Variants in DOCK1 observed in about 807,000 individuals in gnomAD.
DOCK1 encodes dedicator of cytokinesis 1, also known as dedicator of cytokinesis protein 1.
A neutral mutation model predicts 262.7 loss-of-function variants in DOCK1; 138 were observed. That is an observed-to-expected ratio of 0.53 (90% CI 0.46 to 0.61). The LOEUF (loss-of-function observed/expected upper bound fraction) is 0.61. Among genes scored for constraint, DOCK1 ranks in the 20% least tolerant of loss-of-function variants. The probability of loss-of-function intolerance (pLI) is 0.00; values close to 1 mark genes in which losing one functional copy is unlikely to be tolerated. For missense variants in DOCK1, 1,908 were observed against 2,370.7 expected (o/e 0.80, Z 4.05); for synonymous variants, 866 against 867.4 (o/e 1.00, Z 0.03).
In DOCK1 at chr10:126,929,407, G is replaced by A. The variant is rs1234587373; in HGVS notation, c.46+23844G>A. 4.6e-5 allele frequency among the ~76,000 whole-genome samples: 7 copies of A among 152,280 alleles called. No individual in the cohort carries two copies. In the East Asian group the frequency reaches 9.7e-4, roughly 21 times the overall value. ...CTTTGCTCCCTAATCTAGTAGAGAA[G>A]TGGACCACAGGGTGACAGTTAGGAG... is the stretch of plus-strand genomic sequence containing the variant. On this transcript the variant is annotated intron_variant, in intron 1 of 51. Coordinates refer to ENST00000623213, the MANE Select transcript of DOCK1 (RefSeq NM_001290223.2).
At chr10:127,278,281 C>T (rs1171816482) in intron 29 of DOCK1, among the ~76,000 whole-genome samples, 2 of 85,350 alleles carry the variant, frequency 2.3e-5, no homozygotes, top group African/African-American at 9.2e-5. Context: ...TAGATCTTTC[C>T]CCAGCCAAGA....
intron 27 of DOCK1, among the ~76,000 whole-genome samples, chr10:127,159,105 G>A (rs1466794787): frequency 1.3e-5 from 2 of 152,206 alleles, no homozygotes; most frequent in Non-Finnish European, 2.9e-5. Context: ...CTGCGACAGT[G>A]CATGAAAGAG....
At chr10:127,361,445 TC>T (rs1443656642) in intron 32 of DOCK1, among the ~76,000 whole-genome samples, 1 of 152,156 alleles carries the variant, frequency 6.6e-6, no homozygotes, top group East Asian at 1.9e-4. Context: ...CATTTTCCTA[TC>T]AAACAATAGC....
At chr10:126,939,472 T>C (rs2034828502) in intron 1 of DOCK1, among the ~76,000 whole-genome samples, 1 of 152,136 alleles carries the variant, frequency 6.6e-6, no homozygotes, top group African/African-American at 2.4e-5. Flanking sequence ...CATGTACCTG[T>C]TTACTTTTGC....
chr10:127,385,879 TAGG>T (rs894655983), intron 38 of DOCK1, among the ~76,000 whole-genome samples: 2 of 152,174 alleles, frequency 1.3e-5, no homozygotes, highest in Admixed American at 1.3e-4. Flanking sequence ...TCCTTCTCCT[TAGG>T]AGGTACCAGC....
chr10:127,282,908 G>T (rs546481204), intron 29 of DOCK1, among the ~76,000 whole-genome samples: 4 of 152,350 alleles, frequency 2.6e-5, no homozygotes, highest in South Asian at 2.1e-4. Flanking sequence ...GCAGGGTCCT[G>T]CGTGTATCCT....
intron 40 of DOCK1, among the ~76,000 whole-genome samples, chr10:127,404,714 A>G (rs1165413323): frequency 6.6e-6 from 1 of 152,210 alleles, no homozygotes; most frequent in Non-Finnish European, 1.5e-5. Flanking sequence ...ACTATTTGCC[A>G]TCTTAGCCAT....
At chr10:127,046,367 C>A (rs979040334) in intron 21 of DOCK1, among the ~76,000 whole-genome samples, 15 of 152,154 alleles carry the variant, frequency 9.9e-5, no homozygotes, top group Non-Finnish European at 2.1e-4. Flanking sequence ...GAACAGCGAG[C>A]AGGAGTGTGA....
intron 27 of DOCK1, among the ~76,000 whole-genome samples, chr10:127,189,798 CTG>C (rs1589854040): frequency 6.6e-6 from 1 of 152,162 alleles, no homozygotes; most frequent in East Asian, 1.9e-4. Context: ...TAAGTGGACA[CTG>C]TGCAGTGTGA....
At chr10:126,992,789 GACACAC>G (rs142022750) in intron 6 of DOCK1, among the ~76,000 whole-genome samples, 8,331 of 147,438 alleles carry the variant, frequency 0.057, 331 homozygotes, top group Non-Finnish European at 0.081. Flanking sequence ...CACACACACA[GACACAC>G]ACACACACAC....
chr10:127,020,866 GTCT>G, intron 13 of DOCK1, among the ~76,000 whole-genome samples: 1 of 152,268 alleles, frequency 6.6e-6, no homozygotes, highest in South Asian at 2.1e-4. Context: ...AGGGATGCGC[GTCT>G]TCTTTGGACA....
chr10:127,317,072 A>G (rs2062315676), intron 29 of DOCK1, among the ~76,000 whole-genome samples: 1 of 142,738 alleles, frequency 7.0e-6, no homozygotes, highest in African/African-American at 2.9e-5. Flanking sequence ...AGACCTTAGG[A>G]AAGCTATTTT....
intron 16 of DOCK1, among the ~76,000 whole-genome samples, chr10:127,029,585 G>C (rs984369035): frequency 6.6e-6 from 1 of 152,170 alleles, no homozygotes; most frequent in Non-Finnish European, 1.5e-5. Flanking sequence ...TGGGTAGGGC[G>C]GCCTAGAGAA....
chr10:127,315,068 G>A (rs2062215551), intron 29 of DOCK1, among the ~76,000 whole-genome samples: 1 of 151,890 alleles, frequency 6.6e-6, no homozygotes, highest in Non-Finnish European at 1.5e-5. Context: ...CTGAAACCTG[G>A]GAGGCTCCTC....
chr10:127,314,990 C>G (rs1433228769), intron 29 of DOCK1, among the ~76,000 whole-genome samples: 1 of 152,216 alleles, frequency 6.6e-6, no homozygotes, highest in Non-Finnish European at 1.5e-5. Flanking sequence ...CACCACGGAG[C>G]AGGGGAGTGC....
chr10:127,385,015 G>C, intron 38 of DOCK1, 106 bp downstream of exon 38: 1 of 1,321,358 alleles, frequency 7.6e-7, no homozygotes, highest in South Asian at 2.1e-5. Context: ...CCAGAAATTT[G>C]TTACAAGTTG....
chr10:127,296,984 G>A (rs1270990808), intron 29 of DOCK1, among the ~76,000 whole-genome samples: 2 of 152,186 alleles, frequency 1.3e-5, no homozygotes, highest in Non-Finnish European at 2.9e-5. Flanking sequence ...ACTTGCTGTG[G>A]CCTCATGTGA....
intron 27 of DOCK1, among the ~76,000 whole-genome samples, chr10:127,201,215 C>T (rs2057441305): frequency 6.6e-6 from 1 of 152,152 alleles, no homozygotes; most frequent in Admixed American, 6.5e-5. Flanking sequence ...TGCATCATTC[C>T]CCTTGTCATA....
intron 27 of DOCK1, among the ~76,000 whole-genome samples, chr10:127,220,340 C>A (rs2058379052): frequency 6.6e-6 from 1 of 151,948 alleles, no homozygotes; most frequent in Non-Finnish European, 1.5e-5. Flanking sequence ...GAACAGAGAA[C>A]CAGGAGGCCC....
Sources: gnomAD v4.1 joint callset for allele counts (sites outside exome capture counted in the v4.1 genomes callset) on GRCh38, gnomAD v4.1.1 for gene constraint, MANE v1.5 for transcripts, NCBI Gene and HGNC (gene_info 2026-07-23, HGNC 2026-07-21) for gene names.